Variants in KCNH1 observed in about 807,000 individuals in gnomAD.
KCNH1 encodes the protein voltage-gated delayed rectifier potassium channel KCNH1.
In KCNH1, 27 loss-of-function variants were observed where a neutral mutation model predicts 69.2. That is an observed-to-expected ratio of 0.39 (90% CI 0.29 to 0.54). The LOEUF is 0.54. Among genes scored for constraint, KCNH1 ranks in the 20% least tolerant of loss-of-function variants. The probability of loss-of-function intolerance (pLI) is 0.68; values close to 1 mark genes in which losing one functional copy is unlikely to be tolerated. For missense variants in KCNH1, 798 were observed against 1,261.6 expected (o/e 0.63, Z 5.57); for synonymous variants, 456 against 487.7 (o/e 0.93, Z 0.86).
chr1:210,904,750 T>C lies in KCNH1; in HGVS notation c.1462+14890A>G, dbSNP rs376462979. 3.3e-5 allele frequency among the ~76,000 whole-genome samples: 5 copies of C among 152,334 alleles called. No homozygotes were observed. The South Asian group carries it at 6.2e-4, about 19-fold the overall frequency. The stretch of plus-strand genomic sequence containing the variant: ...AGCAATAACTCCAGCAGTTATTTAT[T>C]CAGCACTTGCTATCTGCCAGGCACC... On this transcript the variant is annotated intron_variant, in intron 7 of 10. Transcript: ENST00000271751.
chr1:211,073,636 T>A (rs567783472), intron 5 of KCNH1, among the ~76,000 whole-genome samples: 5 of 152,130 alleles, frequency 3.3e-5, no homozygotes, highest in Admixed American at 3.3e-4. Flanking sequence ...AAAGAATATA[T>A]CTCAAGAGAA....
chr1:211,129,423 T>C (rs1208442488), intron 1 of KCNH1, among the ~76,000 whole-genome samples: 1 of 152,196 alleles, frequency 6.6e-6, no homozygotes, highest in Non-Finnish European at 1.5e-5. Context: ...TCTTTTAAGA[T>C]AGATTACTAA....
At chr1:210,715,459 G>C (rs1175723932) in intron 10 of KCNH1, among the ~76,000 whole-genome samples, 1 of 151,160 alleles carries the variant, frequency 6.6e-6, no homozygotes, top group African/African-American at 2.4e-5. Context: ...TTGAGGCCAG[G>C]AGTTCAAGAC....
intron 7 of KCNH1, among the ~76,000 whole-genome samples, chr1:210,820,625 C>T (rs1160915808): frequency 6.6e-6 from 1 of 152,094 alleles, no homozygotes. Flanking sequence ...CAGAGAGAGA[C>T]TCTGTCTCAA....
At chr1:210,767,076 G>C (rs980333596) in intron 10 of KCNH1, among the ~76,000 whole-genome samples, 4 of 152,164 alleles carry the variant, frequency 2.6e-5, no homozygotes, top group African/African-American at 9.7e-5. Context: ...AGAGTAGAAG[G>C]AACAATAAAT....
chr1:210,801,876 T>C (rs142903065), intron 8 of KCNH1, among the ~76,000 whole-genome samples: 80 of 152,388 alleles, frequency 5.2e-4, no homozygotes, highest in African/African-American at 1.8e-3. Context: ...GAAATTAGAA[T>C]GACTCTGTTT....
chr1:210,853,036 A>G (rs1574296850), intron 7 of KCNH1, among the ~76,000 whole-genome samples: 1 of 152,272 alleles, frequency 6.6e-6, no homozygotes, highest in African/African-American at 2.4e-5. Flanking sequence ...CATGAATATA[A>G]GGCCACTCAA....
At chr1:211,030,827 T>C (rs1689769528) in intron 5 of KCNH1, among the ~76,000 whole-genome samples, 1 of 152,058 alleles carries the variant, frequency 6.6e-6, no homozygotes, top group Admixed American at 6.6e-5. Context: ...GAAAGGAATA[T>C]CTGCAAAGCA....
At chr1:210,985,383 A>G (rs1005262947) in intron 6 of KCNH1, among the ~76,000 whole-genome samples, 2 of 152,012 alleles carry the variant, frequency 1.3e-5, no homozygotes, top group African/African-American at 2.4e-5. Flanking sequence ...TCAGGGTGTC[A>G]ATTTTGGATC....
rs576976256 is a variant in KCNH1 at position 210,761,327 on chromosome 1, G to A, written c.2112+14021C>T. Among the ~76,000 whole-genome samples the A allele has an allele frequency of 2.7e-5, 4 of 146,144 alleles. No homozygotes were observed. In the East Asian group the frequency reaches 8.1e-4, roughly 29 times the overall value. ...CCCTATAAAGCAATGACAGAATTGA[G>A]ACTAGTCAACTAGTTGTTGGCAACT... is the stretch of plus-strand genomic sequence containing the variant. On this transcript the variant is annotated intron_variant, in intron 10 of 10. Transcript: ENST00000271751.
intron 6 of KCNH1, among the ~76,000 whole-genome samples, chr1:211,006,128 T>C (rs1689279871): frequency 6.6e-6 from 1 of 152,162 alleles, no homozygotes; most frequent in Admixed American, 6.5e-5. Flanking sequence ...CAGTGGAAAC[T>C]CTCATGTATT....
chr1:210,934,655 C>T (rs80168672), intron 6 of KCNH1, among the ~76,000 whole-genome samples: 5,787 of 151,826 alleles, frequency 0.038, 224 homozygotes, highest in South Asian at 0.12. Context: ...AAAAAATTGG[C>T]AGATGATCTG....
At chr1:211,072,030 C>A (rs191083814) in intron 5 of KCNH1, among the ~76,000 whole-genome samples, 3 of 152,220 alleles carry the variant, frequency 2.0e-5, no homozygotes, top group Admixed American at 1.3e-4. Flanking sequence ...AATCCCAGCA[C>A]TTTGGGAGGC....
At chr1:211,009,799 G>A (rs758676110) in intron 6 of KCNH1, among the ~76,000 whole-genome samples, 10 of 151,982 alleles carry the variant, frequency 6.6e-5, no homozygotes, top group Non-Finnish European at 1.3e-4. Flanking sequence ...AGTAGAGACC[G>A]AGTTTCACTA....
At chr1:210,745,000 C>A (rs1297965061) in intron 10 of KCNH1, among the ~76,000 whole-genome samples, 1 of 102,772 alleles carries the variant, frequency 9.7e-6, no homozygotes, top group African/African-American at 3.4e-5. Context: ...GTCAGGAATT[C>A]GAGACCAGCC....
At chr1:210,942,161 C>A (rs1181425191) in intron 6 of KCNH1, among the ~76,000 whole-genome samples, 1 of 152,152 alleles carries the variant, frequency 6.6e-6, no homozygotes, top group East Asian at 1.9e-4. Context: ...CTTAATCATT[C>A]TGTGTGGATT....
intron 6 of KCNH1, among the ~76,000 whole-genome samples, chr1:210,974,333 T>C (rs1326548071): frequency 6.6e-6 from 1 of 152,128 alleles, no homozygotes; most frequent in Non-Finnish European, 1.5e-5. Context: ...CAGTAATTAA[T>C]TATTTGATAT....
intron 4 of KCNH1, among the ~76,000 whole-genome samples, chr1:211,088,794 A>G (rs1299669424): frequency 6.6e-6 from 1 of 152,060 alleles, no homozygotes; most frequent in Non-Finnish European, 1.5e-5. Context: ...AAGAAGAAAC[A>G]GAGTAAATGT....
intron 9 of KCNH1, 82 bp from the exon 10 acceptor site, chr1:210,775,626 A>G (rs1683845188): frequency 1.1e-5 from 11 of 1,027,000 alleles, no homozygotes; most frequent in Non-Finnish European, 1.3e-5. Flanking sequence ...ATTCCCCAGA[A>G]TTGCTGTCCT....
Sources: gnomAD v4.1 joint callset for allele counts (sites outside exome capture counted in the v4.1 genomes callset) on GRCh38, gnomAD v4.1.1 for gene constraint, MANE v1.5 for transcripts, NCBI Gene and HGNC (gene_info 2026-07-23, HGNC 2026-07-21) for gene names.